Variants in SMG6 observed in about 807,000 individuals in gnomAD.
SMG6 encodes telomerase-binding protein EST1A.
Under a neutral mutation model 142.2 loss-of-function variants are expected in SMG6, and 66 were observed. That is an observed-to-expected ratio of 0.46 (90% CI 0.38 to 0.57). The LOEUF (loss-of-function observed/expected upper bound fraction) is 0.57. Among genes scored for constraint, SMG6 ranks in the 20% least tolerant of loss-of-function variants. SMG6 has a pLI of 0.00. For missense variants in SMG6, 1,793 were observed against 1,832.0 expected, an observed-to-expected ratio of 0.98 and a Z score of 0.39; for synonymous variants, 779 against 702.4, an observed-to-expected ratio of 1.11 and a Z score of -1.72.
intron 10 of SMG6, among the ~76,000 whole-genome samples, chr17:2,189,448 G>A (rs896234688): frequency 1.3e-5 from 2 of 152,146 alleles, no homozygotes; most frequent in Admixed American, 6.5e-5. Context: ...AGCCTCCGAG[G>A]AGGAGACACC....
At chr17:2,250,993 A>T (rs1356720824) in intron 8 of SMG6, among the ~76,000 whole-genome samples, 1 of 152,136 alleles carries the variant, frequency 6.6e-6, no homozygotes, top group Non-Finnish European at 1.5e-5. Context: ...ATAGTCCAAG[A>T]ACAAAGATAA....
chr17:2,088,769 G>T (rs879458629), intron 13 of SMG6: 7 of 985,370 alleles, frequency 7.1e-6, no homozygotes, highest in Middle Eastern at 5.2e-4. Context: ...TCCAGGGCTT[G>T]CCCAGAGGCA....
chr17:2,299,322 C>T lies in SMG6; in HGVS notation c.1431G>A (p.Leu477=). 6.2e-7 allele frequency: 1 copy of T among 1,614,038 alleles called. No homozygotes were observed. The highest frequency in any genetic ancestry group is 8.5e-7 in the Non-Finnish European group (1 of 1,180,028). Residue 477 remains leucine (L), a synonymous_variant, in exon 2 of 19, where the codon TTG becomes TTA. Coordinates refer to ENST00000263073, the MANE Select transcript of SMG6 (RefSeq NM_017575.5). This position sits in a 1 kb window ranked among gnomAD's most constrained non-coding sequence, Gnocchi z 4.3. ...LKTQTPQLHF[L]DTDDEVSPTS... ...TAGGGCTGACTTCATCATCAGTGTCCAAGAAATGTAGCTGGGGCGTCTGAG... is the reference window on the plus strand; with the variant it reads ...TAGGGCTGACTTCATCATCAGTGTCTAAGAAATGTAGCTGGGGCGTCTGAG...
chr17:2,244,688 T>C lies in SMG6; in HGVS notation c.2693A>G (p.His898Arg), dbSNP rs1389490679. The part of the protein sequence containing the change: ...LNKRFILSFL[H>R]AHGKLFTRIG... ...CCGGGTAAACAGCTTCCCATGGGCA[T>C]GGAGAAAACTGAGGATGAACCTTTT... Residue 898 changes from histidine (H) to arginine (R), a missense_variant, in exon 9 of 19, where the codon CAT (histidine) becomes CGT (arginine). His to Arg is a conservative substitution (Grantham distance 29). Around this residue, in one of 3 missense-constraint regions of SMG6, gnomAD observed 1,597 missense variants for 1,584.6 expected, o/e 1.01. Transcript: ENST00000263073. 4.3e-6 allele frequency: 7 copies of C among 1,613,988 alleles called. No homozygotes were observed. In the East Asian group the frequency reaches 1.6e-4, roughly 36 times the overall value.
At chr17:2,247,645 G>T (rs143945029) in intron 8 of SMG6, among the ~76,000 whole-genome samples, 3 of 151,278 alleles carry the variant, frequency 2.0e-5, no homozygotes, top group African/African-American at 7.3e-5. Context: ...AAAATTAGCC[G>T]GGTGGTGGGT....
rs1006757907 is a variant in SMG6, at chr17:2,060,160, G to C, written c.*1332C>G. The C allele has an allele frequency of 6.6e-6, 1 of 152,432 alleles. No homozygotes were observed. The highest frequency in any genetic ancestry group is 2.4e-5 in the African/African-American group (1 of 41,462). The allele number at this position is 152,432 out of a possible 1,614,324, so 9.4% of individuals were successfully genotyped here. On this transcript the variant is annotated 3_prime_UTR_variant, in exon 19 of 19. Transcript: ENST00000263073. ...CTGTGCAGTCAGGCCATGGGCTCTG[G>C]GGTATCCCCCACTGGTCCCATTAAG...
At chr17:2,066,819 A>G (rs1425540721) in intron 16 of SMG6, among the ~76,000 whole-genome samples, 2 of 152,204 alleles carry the variant, frequency 1.3e-5, no homozygotes, top group African/African-American at 2.4e-5. Flanking sequence ...CGGGTATTCT[A>G]TCCCAAAATC....
At chr17:2,226,350 G>A (rs1247406679) in intron 10 of SMG6, among the ~76,000 whole-genome samples, 1 of 151,852 alleles carries the variant, frequency 6.6e-6, no homozygotes, top group Non-Finnish European at 1.5e-5. Context: ...GGAGGCCAAA[G>A]TGGGTGGATC....
chr17:2,291,312 C>CA (rs1424358187), intron 6 of SMG6, among the ~76,000 whole-genome samples: 4 of 149,614 alleles, frequency 2.7e-5, no homozygotes, highest in African/African-American at 9.8e-5. Context: ...GCCTGAGCGA[C>CA]AGAGCGAGAC....
chr17:2,215,022 G>A (rs2072972998), intron 10 of SMG6, among the ~76,000 whole-genome samples: 2 of 152,170 alleles, frequency 1.3e-5, no homozygotes, highest in Non-Finnish European at 2.9e-5. Flanking sequence ...CAACTCCACG[G>A]GGCCCTGGAG....
intron 9 of SMG6, among the ~76,000 whole-genome samples, chr17:2,242,537 A>AG: frequency 6.6e-6 from 1 of 150,744 alleles, no homozygotes; most frequent in East Asian, 1.9e-4. Flanking sequence ...CTCAAAAAAA[A>AG]AAGATAAATA....
At chr17:2,247,996 C>T (rs1349941185) in intron 8 of SMG6, among the ~76,000 whole-genome samples, 6 of 152,080 alleles carry the variant, frequency 3.9e-5, no homozygotes, top group African/African-American at 1.4e-4. Context: ...GTCCCAGCTA[C>T]TTGGGAGGCT....
At chr17:2,120,507 C>T (rs2069654768) in intron 13 of SMG6, among the ~76,000 whole-genome samples, 1 of 152,186 alleles carries the variant, frequency 6.6e-6, no homozygotes, top group South Asian at 2.1e-4. Context: ...ACTGCTTGAG[C>T]CCAGAAGCTG....
At chr17:2,274,131 T>A (rs2074598965) in intron 8 of SMG6, among the ~76,000 whole-genome samples, 1 of 152,236 alleles carries the variant, frequency 6.6e-6, no homozygotes, top group Admixed American at 6.5e-5. Flanking sequence ...TTACATATTG[T>A]CCATGGCTAC....
chr17:2,154,144 C>A (rs371057968), intron 13 of SMG6, among the ~76,000 whole-genome samples: 1 of 136,100 alleles, frequency 7.3e-6, no homozygotes, highest in East Asian at 2.2e-4. Flanking sequence ...TAGAGTGTGA[C>A]GGTGACTGGG....
intron 10 of SMG6, among the ~76,000 whole-genome samples, chr17:2,211,362 A>G (rs537518684): frequency 6.6e-6 from 1 of 152,250 alleles, no homozygotes; most frequent in Admixed American, 6.5e-5. Context: ...CCTAAAGAAA[A>G]TAACAAAAAG....
intron 13 of SMG6, among the ~76,000 whole-genome samples, chr17:2,169,122 T>C (rs1233234127): frequency 1.3e-5 from 2 of 151,658 alleles, no homozygotes; most frequent in Non-Finnish European, 2.9e-5. Context: ...TACAAAAAAT[T>C]TAGCTGGTCA....
chr17:2,131,616 A>G (rs918554140), intron 13 of SMG6, among the ~76,000 whole-genome samples: 1 of 152,138 alleles, frequency 6.6e-6, no homozygotes, highest in African/African-American at 2.4e-5. Flanking sequence ...GATTTCTTAA[A>G]TAAGACATAA....
chr17:2,247,684 G>A (rs1474448103), intron 8 of SMG6, among the ~76,000 whole-genome samples: 1 of 152,142 alleles, frequency 6.6e-6, no homozygotes, highest in Non-Finnish European at 1.5e-5. Flanking sequence ...TAGAGAGGCT[G>A]AGGCAGGAAA....
Sources: allele counts gnomAD v4.1 joint callset (sites outside exome capture counted in the v4.1 genomes callset), GRCh38; gene constraint gnomAD v4.1.1; regional missense constraint gnomAD v4.1.1; non-coding constraint Gnocchi (gnomAD v3.1); transcripts MANE v1.5; gene names NCBI Gene and HGNC (gene_info 2026-07-23, HGNC 2026-07-21).